Variants in NNT observed in about 807,000 individuals in gnomAD.
NNT encodes the protein nicotinamide nucleotide transhydrogenase, also known as NAD(P) transhydrogenase, mitochondrial.
Under a neutral mutation model 104.8 loss-of-function variants are expected in NNT, and 50 were observed. That is an observed-to-expected ratio of 0.48 (90% CI 0.38 to 0.60). The LOEUF is 0.60. Among genes scored for constraint, NNT ranks in the 20% least tolerant of loss-of-function variants. The probability of loss-of-function intolerance (pLI) is 0.00; values close to 1 mark genes in which losing one functional copy is unlikely to be tolerated. For missense variants in NNT, 1,131 were observed against 1,330.7 expected (o/e 0.85, Z 2.33); for synonymous variants, 461 against 490.4 (o/e 0.94, Z 0.79).
At chr5:43,681,943 G>T (rs1282838139) in intron 19 of NNT, among the ~76,000 whole-genome samples, 3 of 152,144 alleles carry the variant, frequency 2.0e-5, no homozygotes, top group Admixed American at 1.3e-4. Flanking sequence ...AGAATGCAAG[G>T]AGTAGTTAGC....
At chr5:43,650,417 A>G (rs1321197745) in intron 11 of NNT, 60 bp from the exon 12 acceptor site, 3 of 1,204,220 alleles carry the variant, frequency 2.5e-6, no homozygotes, top group Non-Finnish European at 3.7e-6. Flanking sequence ...TACTTCAGCT[A>G]TGATATTTGA....
Position 43,675,497 on chromosome 5 carries a change from AT to A in NNT, c.2635-11del. The A allele has an allele frequency of 6.2e-7, 1 of 1,604,880 alleles. No homozygotes were observed. The highest frequency in any genetic ancestry group is 1.3e-5 in the African/African-American group (1 of 74,688). On this transcript the variant is annotated splice_polypyrimidine_tract_variant and intron_variant, in intron 17 of 21. Coordinates refer to ENST00000344920, the MANE Select transcript of NNT (RefSeq NM_182977.3). ...GTGTGTTAAACTCTCACAGCTGATA[AT>A]TTGGCTTTCTAGGCAATGAATCGCT...
At position 43,613,108 on chromosome 5, in the gene NNT, G is replaced by A; in HGVS notation, c.352G>A (p.Glu118Lys). ...VAGAQIQGAKEVLASDLVVKV... is the reference protein window; with the variant it reads ...VAGAQIQGAKKVLASDLVVKV... ...AGGTGCCCAAATCCAAGGGGCAAAG[G>A]AAGTGCTGGCTTCTGATTTGGTGGT... Residue 118 changes from glutamate to lysine, a missense_variant, in exon 3 of 22, where the codon GAA (glutamate) becomes AAA (lysine). Transcript: ENST00000344920. 2 of 1,613,982 alleles carry A rather than the reference G, an allele frequency of 1.2e-6. No individual in the cohort carries two copies. The highest frequency in any genetic ancestry group is 1.1e-5 in the South Asian group (1 of 91,066).
chr5:43,611,342 A>T (rs1749491314), intron 2 of NNT, among the ~76,000 whole-genome samples: 1 of 152,240 alleles, frequency 6.6e-6, no homozygotes, highest in South Asian at 2.1e-4. Context: ...GTATGTGCTT[A>T]AATTATCTCT....
intron 17 of NNT, among the ~76,000 whole-genome samples, chr5:43,669,381 A>C (rs1740916437): frequency 6.6e-6 from 1 of 152,136 alleles, no homozygotes; most frequent in Non-Finnish European, 1.5e-5. Context: ...GAATGCTTCC[A>C]GTTTTTGCCC....
chr5:43,622,223 G>T (rs886894303), intron 5 of NNT, among the ~76,000 whole-genome samples: 1 of 152,158 alleles, frequency 6.6e-6, no homozygotes, highest in African/African-American at 2.4e-5. Context: ...AGTACTACTT[G>T]TTGATGAACT....
At chr5:43,652,783 C>T (rs1739832124) in intron 13 of NNT, among the ~76,000 whole-genome samples, 1 of 152,108 alleles carries the variant, frequency 6.6e-6, no homozygotes, top group Non-Finnish European at 1.5e-5. Context: ...AGCATTTGGT[C>T]AGGTTTAGTA....
chr5:43,667,252 G>T, intron 17 of NNT: 2 of 850,646 alleles, frequency 2.4e-6, no homozygotes, highest in Non-Finnish European at 4.0e-6. Flanking sequence ...TTAAGCTGCC[G>T]GTCCCGAAGT....
chr5:43,697,168 C>T (rs1435004879), intron 19 of NNT, among the ~76,000 whole-genome samples: 2 of 152,200 alleles, frequency 1.3e-5, no homozygotes, highest in African/African-American at 2.4e-5. Context: ...GCACCCACGT[C>T]AGCTCTTGAA....
chr5:43,657,165 C>T (rs1376853529), intron 16 of NNT, among the ~76,000 whole-genome samples: 3 of 152,220 alleles, frequency 2.0e-5, no homozygotes, highest in Non-Finnish European at 4.4e-5. Flanking sequence ...AATAGTGCTT[C>T]GGGGTTTATA....
intron 19 of NNT, among the ~76,000 whole-genome samples, chr5:43,692,237 G>A (rs1021999241): frequency 6.6e-6 from 1 of 152,032 alleles, no homozygotes; most frequent in Admixed American, 6.6e-5. Flanking sequence ...AGGGAACAGG[G>A]GCAAACTGCT....
intron 2 of NNT, 95 bp downstream of exon 2, chr5:43,609,441 T>C (rs1749393186): frequency 1.6e-6 from 2 of 1,214,518 alleles, no homozygotes; most frequent in Non-Finnish European, 2.3e-6. Flanking sequence ...TGTAGTTTTA[T>C]GGCCTGGTGC....
intron 19 of NNT, among the ~76,000 whole-genome samples, chr5:43,680,417 T>C (rs922633497): frequency 1.3e-5 from 2 of 152,300 alleles, no homozygotes; most frequent in African/African-American, 2.4e-5. Context: ...ACGGTGTTCA[T>C]TGAGTACAGC....
chr5:43,665,211 TTTA>T (rs1342649584), intron 17 of NNT, among the ~76,000 whole-genome samples: 1 of 149,024 alleles, frequency 6.7e-6, no homozygotes, highest in Non-Finnish European at 1.5e-5. Context: ...TGGTATTTTA[TTTA>T]TTTATTTATT....
intron 19 of NNT, among the ~76,000 whole-genome samples, 155 bp from the exon 20 acceptor site, chr5:43,699,964 C>G (rs1209133598): frequency 3.9e-5 from 6 of 152,208 alleles, no homozygotes; most frequent in Admixed American, 3.9e-4. Context: ...GACTATATAT[C>G]TGGACTACTG....
intron 20 of NNT, among the ~76,000 whole-genome samples, chr5:43,700,575 C>T (rs1742796594): frequency 6.6e-6 from 1 of 152,190 alleles, no homozygotes; most frequent in African/African-American, 2.4e-5. Context: ...TACCCAACCT[C>T]AGGCTCTTCA....
intron 2 of NNT, among the ~76,000 whole-genome samples, chr5:43,610,736 C>G (rs1749457831): frequency 6.6e-6 from 1 of 152,166 alleles, no homozygotes; most frequent in South Asian, 2.1e-4. Flanking sequence ...TCTTCAGATG[C>G]TTTCTTTTAA....
At chr5:43,671,908 C>T (rs945933810) in intron 17 of NNT, among the ~76,000 whole-genome samples, 1 of 152,202 alleles carries the variant, frequency 6.6e-6, no homozygotes, top group Non-Finnish European at 1.5e-5. Context: ...CTCCTCATCA[C>T]TTTCAGGTAC....
At position 43,651,812 on chromosome 5, in the gene NNT, G is replaced by A; in HGVS notation, c.1791G>A (p.Leu597=). ...CTGACCCCCCAGAATACAACTACCTGTACCTGCTCCCTGCCGGCACCTTTG... is the reference window on the plus strand; with the variant it reads ...CTGACCCCCCAGAATACAACTACCTATACCTGCTCCCTGCCGGCACCTTTG... ...RPTDPPEYNY[L]YLLPAGTFVG... is the part of the protein sequence containing the mutation. The change falls in exon 13 of 22, where the codon CTG becomes CTA. Residue 597 remains leucine, a synonymous_variant. Coordinates refer to ENST00000344920, the MANE Select transcript of NNT (RefSeq NM_182977.3). 2 of 1,614,112 alleles carry A rather than the reference G, an allele frequency of 1.2e-6. No individual in the cohort carries two copies. The highest frequency in any genetic ancestry group is 1.7e-6 in the Non-Finnish European group (2 of 1,180,018).
Sources: gnomAD v4.1 joint callset for allele counts (sites outside exome capture counted in the v4.1 genomes callset) on GRCh38, gnomAD v4.1.1 for gene constraint, MANE v1.5 for transcripts, NCBI Gene and HGNC (gene_info 2026-07-23, HGNC 2026-07-21) for gene names.